The following ZFHX3 variants were observed in gnomAD, a reference collection of about 807,000 sequenced individuals.
ZFHX3 encodes zinc finger homeobox 3.
ZFHX3 carries 42 observed loss-of-function variants against 279.1 expected under a neutral mutation model. The observed-to-expected ratio is 0.15, with a 90% CI of 0.12 to 0.19. The LOEUF is 0.19. ZFHX3 is among the 10% of genes least tolerant of loss of function. ZFHX3 has a pLI of 1.00. For synonymous variants in ZFHX3, 2,293 were observed against 1,957.8 expected (o/e 1.17, Z -4.52); for missense variants, 4,981 against 4,754.0 (o/e 1.05, Z -1.40).
At chr16:73,763,474 C>T (rs546153610) in intron 1 of ZFHX3, among the ~76,000 whole-genome samples, 3 of 152,266 alleles carry the variant, frequency 2.0e-5, no homozygotes, top group African/African-American at 7.2e-5. Flanking sequence ...TTCTGAAAGA[C>T]ACTTCTTTTC....
At chr16:73,655,461 A>C (rs2052713335) in intron 2 of ZFHX3, among the ~76,000 whole-genome samples, 1 of 152,246 alleles carries the variant, frequency 6.6e-6, no homozygotes, top group Non-Finnish European at 1.5e-5. Context: ...TATGAAAATC[A>C]ATTGCATTTC....
chr16:73,177,220 G>A (rs148191592), intron 5 of ZFHX3, among the ~76,000 whole-genome samples: 1 of 152,318 alleles, frequency 6.6e-6, no homozygotes, highest in East Asian at 1.9e-4. Context: ...AATTCAAATT[G>A]AGTGAGATAA....
chr16:72,808,716 C>A (rs2036347252), intron 7 of ZFHX3, among the ~76,000 whole-genome samples: 1 of 152,188 alleles, frequency 6.6e-6, no homozygotes, highest in Non-Finnish European at 1.5e-5. Flanking sequence ...CCCAGCAGTG[C>A]TTTAGGGAGC....
At chr16:73,504,341 AC>A (rs1327883144) in intron 2 of ZFHX3, 2 of 152,196 alleles carry the variant, frequency 1.3e-5, no homozygotes, top group East Asian at 3.9e-4. Flanking sequence ...AAAGGGGAAA[AC>A]CAAAAACGTC....
rs145457310 is a variant in ZFHX3, at chr16:73,255,909, C to T, written c.-1104+1138G>A. Among the ~76,000 whole-genome samples, 91 of 152,264 alleles carry T rather than the reference C, an allele frequency of 6.0e-4. No homozygotes were observed. The East Asian group carries it at 0.017, about 28-fold the overall frequency. ...TGATCTGGGGTCTCTGGGCATGGCCCCTTCTCTCTAGGAGTCTGCCGTCTT... is the reference window on the plus strand; with the variant it reads ...TGATCTGGGGTCTCTGGGCATGGCCTCTTCTCTCTAGGAGTCTGCCGTCTT... On this transcript the variant is annotated intron_variant, in intron 5 of 17. Coordinates refer to the ZFHX3 transcript ENST00000641206.
intron 1 of ZFHX3, among the ~76,000 whole-genome samples, chr16:72,965,628 A>C (rs2144489346): frequency 6.6e-6 from 1 of 152,334 alleles, no homozygotes; most frequent in South Asian, 2.1e-4. Flanking sequence ...TAGAGAAGAG[A>C]GACCACACAC....
intron 2 of ZFHX3, among the ~76,000 whole-genome samples, chr16:73,621,985 C>T (rs533173367): frequency 6.6e-6 from 1 of 152,278 alleles, no homozygotes; most frequent in African/African-American, 2.4e-5. Flanking sequence ...GGACACAGCC[C>T]TTCCCTGAAA....
At chr16:73,834,391 G>A (rs143082065) in intron 1 of ZFHX3, among the ~76,000 whole-genome samples, 43 of 152,342 alleles carry the variant, frequency 2.8e-4, no homozygotes, top group African/African-American at 1.0e-3. Context: ...CCCAGAATGA[G>A]GTACAGATTT....
At chr16:73,587,380 T>C (rs978807387) in intron 2 of ZFHX3, among the ~76,000 whole-genome samples, 1 of 152,212 alleles carries the variant, frequency 6.6e-6, no homozygotes. Context: ...GTACAACAAT[T>C]GCAAATGACC....
intron 1 of ZFHX3, among the ~76,000 whole-genome samples, chr16:73,794,629 G>A (rs767855383): frequency 6.6e-6 from 1 of 152,178 alleles, no homozygotes; most frequent in Non-Finnish European, 1.5e-5. Flanking sequence ...CCCTGTAAGA[G>A]TAGACAGTGC....
At chr16:73,023,597 A>G (rs1964389085) in intron 1 of ZFHX3, among the ~76,000 whole-genome samples, 3 of 152,360 alleles carry the variant, frequency 2.0e-5, no homozygotes, top group Non-Finnish European at 2.9e-5. Flanking sequence ...CGCAGGTCAC[A>G]CACCTAGGAG....
chr16:72,979,728 A>G (rs1460739159), intron 1 of ZFHX3, among the ~76,000 whole-genome samples: 1 of 152,214 alleles, frequency 6.6e-6, no homozygotes, highest in Non-Finnish European at 1.5e-5. Flanking sequence ...ATACAACATC[A>G]TAGCATAAAT....
At chr16:73,841,062 T>C (rs1445951908) in intron 1 of ZFHX3, among the ~76,000 whole-genome samples, 1 of 151,886 alleles carries the variant, frequency 6.6e-6, no homozygotes, top group Admixed American at 6.6e-5. Context: ...AGTGGAGAGG[T>C]ATGTGAAATC....
upstream of ZFHX3, chr16:73,062,012 A>T (rs1965690293): frequency 6.6e-6 from 1 of 152,210 alleles, no homozygotes; most frequent in Non-Finnish European, 1.5e-5. Flanking sequence ...GAGAGGTACC[A>T]AGCTTGTATG....
At chr16:73,508,055 G>T (rs2019359063) in intron 2 of ZFHX3, among the ~76,000 whole-genome samples, 1 of 152,142 alleles carries the variant, frequency 6.6e-6, no homozygotes, top group Non-Finnish European at 1.5e-5. Context: ...TCCCTCAAAT[G>T]CTCATTGATC....
intron 1 of ZFHX3, among the ~76,000 whole-genome samples, chr16:73,690,186 G>T (rs573623152): frequency 1.4e-4 from 21 of 152,182 alleles, no homozygotes; most frequent in Middle Eastern, 3.4e-3. Flanking sequence ...CAAAGTGCTG[G>T]GATTACACGT....
chr16:73,424,751 G>T lies in ZFHX3; in HGVS notation c.-1291+31252C>A, dbSNP rs1314761265. On this transcript the variant is annotated intron_variant, in intron 3 of 17. Coordinates refer to the ZFHX3 transcript ENST00000641206. ...TCTGGGAGACAGAGTGATACCCTGT[G>T]TCAAAAAAAAAAAAAAAAAAAAAAA... 6.3e-3 allele frequency among the ~76,000 whole-genome samples: 143 copies of T among 22,586 alleles called. 1 individual carries two copies. The highest frequency in any genetic ancestry group is 0.012 in the Non-Finnish European group (104 of 8,796). 14.8% of individuals were successfully genotyped at this position (22,586 alleles called of 152,430 possible). A position where few individuals can be genotyped will look rare whatever the true frequency, so the allele number is the denominator to read the frequency against.
intron 4 of ZFHX3, among the ~76,000 whole-genome samples, chr16:73,257,355 T>G (rs2013688438): frequency 6.6e-6 from 1 of 152,198 alleles, no homozygotes; most frequent in Non-Finnish European, 1.5e-5. Flanking sequence ...TCAGCAAATT[T>G]CAGATGTGTC....
intron 2 of ZFHX3, among the ~76,000 whole-genome samples, chr16:73,555,571 C>G (rs2020266315): frequency 6.6e-6 from 1 of 151,962 alleles, no homozygotes; most frequent in Non-Finnish European, 1.5e-5. Context: ...GGGCTCACGC[C>G]TGTAATCCCA....
Sources: gnomAD v4.1 joint callset for allele counts (sites outside exome capture counted in the v4.1 genomes callset) on GRCh38, gnomAD v4.1.1 for gene constraint, MANE v1.5 for transcripts, NCBI Gene and HGNC (gene_info 2026-07-23, HGNC 2026-07-21) for gene names.